Variants in ST6GALNAC3 observed in about 807,000 individuals in gnomAD.
ST6GALNAC3 encodes alpha-N-acetylgalactosaminide alpha-2,6-sialyltransferase 3.
In ST6GALNAC3, 25 loss-of-function variants were observed where a neutral mutation model predicts 32.7. That is an observed-to-expected ratio of 0.76 (90% CI 0.56 to 1.07). The LOEUF (loss-of-function observed/expected upper bound fraction) is 1.07. Among genes scored for constraint, ST6GALNAC3 ranks in the 50% least tolerant of loss-of-function variants. The pLI is 0.00. For missense variants in ST6GALNAC3, 355 were observed against 382.4 expected (o/e 0.93, Z 0.60); for synonymous variants, 129 against 133.1 (o/e 0.97, Z 0.21).
chr1:76,607,451 T>C lies in ST6GALNAC3; in HGVS notation c.624-20001T>C, dbSNP rs1647635481. The stretch of plus-strand genomic sequence containing the variant: ...ACTGTAATCATATAATTGGTTCCCC[T>C]GGCAACTAGCCCTATCCTGAAGCTG... On this transcript the variant is annotated intron_variant, in intron 3 of 4. Transcript: ENST00000328299. Among the ~76,000 whole-genome samples, 5 of 152,276 alleles carry C rather than the reference T, an allele frequency of 3.3e-5. No homozygotes were observed. In the South Asian group the frequency reaches 1.0e-3, roughly 32 times the overall value.
rs137905822 is a variant in ST6GALNAC3, at chr1:76,198,701, A to G, written c.19-115104A>G. Among the ~76,000 whole-genome samples the G allele has an allele frequency of 3.9e-4, 60 of 152,296 alleles. 2 individuals are homozygous for G. Among genetic ancestry groups the G allele is most frequent in the African/African-American group, 1.3e-3 (55 of 41,560 alleles). ...GCTTTTCACTGATGAAGGGAGCACA[A>G]GAGGAGGGACATACTTACTTGGAAA... On this transcript the variant is annotated intron_variant, in intron 1 of 4. Coordinates refer to ENST00000328299, the MANE Select transcript of ST6GALNAC3 (RefSeq NM_152996.4).
intron 3 of ST6GALNAC3, among the ~76,000 whole-genome samples, chr1:76,548,065 C>A (rs1369615761): frequency 6.6e-6 from 1 of 152,084 alleles, no homozygotes; most frequent in African/African-American, 2.4e-5. Flanking sequence ...AATTGCAAAG[C>A]CTTCATAGTG....
chr1:76,406,400 T>C (rs1653836410), intron 2 of ST6GALNAC3, among the ~76,000 whole-genome samples: 1 of 152,100 alleles, frequency 6.6e-6, no homozygotes, highest in South Asian at 2.1e-4. Context: ...AATCTTTCAC[T>C]GCTGTTGTGA....
intron 1 of ST6GALNAC3, among the ~76,000 whole-genome samples, chr1:76,281,761 T>C (rs1394579635): frequency 8.5e-5 from 13 of 152,202 alleles, no homozygotes. Context: ...TCGATTATGC[T>C]GCCTATTGAG....
intron 1 of ST6GALNAC3, among the ~76,000 whole-genome samples, chr1:76,260,685 G>T (rs1165863703): frequency 6.6e-6 from 1 of 152,082 alleles, no homozygotes; most frequent in Non-Finnish European, 1.5e-5. Flanking sequence ...GTTTAATAGG[G>T]TCCAGTTTCT....
intron 3 of ST6GALNAC3, 51 bp from the exon 4 acceptor site, chr1:76,627,401 T>G: frequency 8.6e-7 from 1 of 1,161,300 alleles, no homozygotes; most frequent in Non-Finnish European, 1.3e-6. Context: ...GTTCTGTGTG[T>G]GTGTTCTGTG....
At chr1:76,108,124 C>T (rs1234835712) in intron 1 of ST6GALNAC3, among the ~76,000 whole-genome samples, 2 of 152,298 alleles carry the variant, frequency 1.3e-5, no homozygotes, top group East Asian at 3.9e-4. Context: ...GGTCTGGCAC[C>T]ACCAGTCTCT....
In ST6GALNAC3 at chr1:76,634,162, A is replaced by G; in HGVS notation, c.*5356A>G. 1 of 985,094 alleles carries G rather than the reference A, an allele frequency of 1.0e-6. No individual in the cohort carries two copies. The highest frequency in any genetic ancestry group is 1.7e-5 in the African/African-American group (1 of 57,302). The allele number at this position is 985,094 out of a possible 1,614,324, so 61.0% of individuals were successfully genotyped here. On this transcript the variant is annotated 3_prime_UTR_variant, in exon 5 of 5. Transcript: ENST00000328299. ...TTTTTGTTCACGCCTTGAAGACTTC[A>G]GAAAAATAGAAGCTCACTTCCTTCC...
At chr1:76,460,836 T>C (rs1658231027) in intron 3 of ST6GALNAC3, among the ~76,000 whole-genome samples, 1 of 152,216 alleles carries the variant, frequency 6.6e-6, no homozygotes, top group South Asian at 2.1e-4. Flanking sequence ...AGTGGAAACA[T>C]TTAGCCTTAT....
At chr1:76,321,612 G>T (rs1646967872) in intron 2 of ST6GALNAC3, among the ~76,000 whole-genome samples, 1 of 152,136 alleles carries the variant, frequency 6.6e-6, no homozygotes, top group South Asian at 2.1e-4. Context: ...TTCCAAATCT[G>T]CACTCTCAAA....
chr1:76,630,294 T>C lies in ST6GALNAC3; in HGVS notation c.*1488T>C, dbSNP rs1557642158. 1.0e-6 allele frequency: 1 copy of C among 985,136 alleles called. No individual in the cohort carries two copies. Among genetic ancestry groups the C allele is most frequent in the Non-Finnish European group, 1.2e-6 (1 of 829,820 alleles). The allele number at this position is 985,136 out of a possible 1,614,324, so 61.0% of individuals were successfully genotyped here. On this transcript the variant is annotated 3_prime_UTR_variant, in exon 5 of 5. Transcript: ENST00000328299. ...CCATATGCTAGGGCCCCTGTGAAAA[T>C]AAGTAGTTTTGAGAAGTTTTTCTAT... is the stretch of plus-strand genomic sequence containing the variant.
chr1:76,337,890 C>G (rs1647635125), intron 2 of ST6GALNAC3, among the ~76,000 whole-genome samples: 1 of 152,132 alleles, frequency 6.6e-6, no homozygotes. Context: ...CTGGCCCAGA[C>G]TGACATTTCC....
intron 3 of ST6GALNAC3, among the ~76,000 whole-genome samples, chr1:76,534,934 A>G (rs1000626710): frequency 2.0e-5 from 3 of 152,178 alleles, no homozygotes; most frequent in African/African-American, 7.2e-5. Context: ...CACTGAGCAC[A>G]TCAGGTATCT....
At chr1:76,139,532 A>G (rs1650184273) in intron 1 of ST6GALNAC3, among the ~76,000 whole-genome samples, 1 of 152,188 alleles carries the variant, frequency 6.6e-6, no homozygotes, top group Non-Finnish European at 1.5e-5. Flanking sequence ...ATAGGAAGCC[A>G]AGCTGAAAGC....
At chr1:76,610,920 G>A (rs1404165170) in intron 3 of ST6GALNAC3, among the ~76,000 whole-genome samples, 1 of 152,148 alleles carries the variant, frequency 6.6e-6, no homozygotes, top group East Asian at 1.9e-4. Flanking sequence ...CAGGCGCCCA[G>A]CTACGTGCTA....
At chr1:76,507,949 G>A (rs146083152) in intron 3 of ST6GALNAC3, among the ~76,000 whole-genome samples, 2,294 of 152,248 alleles carry the variant, frequency 0.015, 36 homozygotes, top group African/African-American at 0.03. Flanking sequence ...GCTATTACTT[G>A]TCTTTTTTAT....
chr1:76,151,147 G>T (rs1043588741), intron 1 of ST6GALNAC3, among the ~76,000 whole-genome samples: 1 of 152,150 alleles, frequency 6.6e-6, no homozygotes, highest in Non-Finnish European at 1.5e-5. Flanking sequence ...GAAGAGGGGA[G>T]ATGTGTTCAG....
intron 3 of ST6GALNAC3, among the ~76,000 whole-genome samples, chr1:76,538,745 C>T (rs1445092223): frequency 3.9e-5 from 6 of 152,130 alleles, no homozygotes; most frequent in Admixed American, 2.0e-4. Flanking sequence ...AGTGCCAAAT[C>T]ATGAATGAAC....
At chr1:76,323,598 A>T (rs1039896882) in intron 2 of ST6GALNAC3, among the ~76,000 whole-genome samples, 1 of 152,218 alleles carries the variant, frequency 6.6e-6, no homozygotes, top group African/African-American at 2.4e-5. Flanking sequence ...GCACTGTGCT[A>T]GGCTCTGAAA....
Sources: allele counts gnomAD v4.1 joint callset (sites outside exome capture counted in the v4.1 genomes callset), GRCh38; gene constraint gnomAD v4.1.1; transcripts MANE v1.5; gene names NCBI Gene and HGNC (gene_info 2026-07-23, HGNC 2026-07-21).